Variants in POMT2 observed in about 807,000 individuals in gnomAD.
The protein encoded by POMT2 is protein O-mannosyltransferase 2, also known as protein O-mannosyl-transferase 2.
Under a neutral mutation model 100.0 loss-of-function variants are expected in POMT2, and 75 were observed. That is an observed-to-expected ratio of 0.75 (90% CI 0.62 to 0.91). The LOEUF is 0.91. Ranked by LOEUF, POMT2 falls within the 40% of genes least tolerant of loss-of-function variation. POMT2 has a pLI of 0.00. For synonymous variants in POMT2, 378 were observed against 374.1 expected (o/e 1.01, Z -0.12); for missense variants, 940 against 955.1 (o/e 0.98, Z 0.21).
At position 77,296,149 on chromosome 14, in the gene POMT2, A is replaced by G; in HGVS notation, c.1116+15T>C. ...CAGCATTGCTGCCGTACAAGTGCAC[A>G]AAAGGCTCACTGACCTGCTGCTGAC... is the stretch of plus-strand genomic sequence containing the variant. On this transcript the variant is annotated intron_variant, in intron 9 of 20. Coordinates refer to ENST00000261534, the MANE Select transcript of POMT2 (RefSeq NM_013382.7). 2.5e-6 allele frequency: 4 copies of G among 1,576,970 alleles called. No individual in the cohort carries two copies. Among genetic ancestry groups the G allele is most frequent in the Non-Finnish European group, 3.5e-6 (4 of 1,158,588 alleles).
intron 9 of POMT2, 116 bp downstream of exon 9, chr14:77,296,048 C>A (rs1258447522): frequency 4.6e-6 from 4 of 861,294 alleles, no homozygotes; most frequent in African/African-American, 1.7e-5. Flanking sequence ...GGGTGCAGGG[C>A]TAGGAAGAAT....
Position 77,301,247 on chromosome 14 carries a change from G to A in POMT2, c.659C>T (p.Pro220Leu), listed in dbSNP as rs1555354184. Residue 220 changes from proline (P) to leucine (L), a missense_variant and splice_region_variant, in exon 6 of 21, where the codon CCC becomes CTC. By Grantham distance (98) the Pro-to-Leu change is moderately conservative. Coordinates refer to ENST00000261534, the MANE Select transcript of POMT2 (RefSeq NM_013382.7). ...MVKYNSCADR[P>L]FSAPWWFWLS... ...CCAGAACCACCAGGGGGCAGAGAAG[G>A]GCCTGAAAATCAACAAGACGGAGTT... is the stretch of plus-strand genomic sequence containing the variant. 1 of 1,614,078 alleles carries A rather than the reference G, an allele frequency of 6.2e-7. No individual in the cohort carries two copies. Among genetic ancestry groups the A allele is most frequent in the Non-Finnish European group, 8.5e-7 (1 of 1,180,022 alleles).
intron 9 of POMT2, among the ~76,000 whole-genome samples, chr14:77,291,748 T>C (rs1219777933): frequency 6.6e-6 from 1 of 152,196 alleles, no homozygotes; most frequent in Non-Finnish European, 1.5e-5. Flanking sequence ...TCAAAGTAAT[T>C]AAGGCCGGGT....
chr14:77,279,889 G>C lies in POMT2; in HGVS notation c.1825C>G (p.Leu609Val). ...WLNLLSIALY[L>V]LSGSIIAVAM... ...ACAGCAATGATGCTCCCTGAGAGGA[G>C]GTAGAGGGCGATGCTCAACAGATTC... Residue 609 changes from leucine (L) to valine (V), a missense_variant, in exon 18 of 21, where the codon CTC (leucine) becomes GTC (valine). Leu to Val is a conservative substitution (Grantham distance 32, BLOSUM62 1). Transcript: ENST00000261534. 1.2e-6 allele frequency: 2 copies of C among 1,614,130 alleles called. No individual in the cohort carries two copies. The highest frequency in any genetic ancestry group is 1.7e-6 in the Non-Finnish European group (2 of 1,180,026).
chr14:77,291,896 G>T (rs1232939395), intron 9 of POMT2, among the ~76,000 whole-genome samples: 69 of 152,116 alleles, frequency 4.5e-4, no homozygotes, highest in Admixed American at 4.4e-3. Context: ...AGCCGGGCAT[G>T]GTACGCGCCT....
At chr14:77,289,387 T>A (rs1382009789) in intron 10 of POMT2, among the ~76,000 whole-genome samples, 1 of 126,268 alleles carries the variant, frequency 7.9e-6, no homozygotes, top group African/African-American at 3.0e-5. Flanking sequence ...CAAGACTCTG[T>A]CTCCAAAAAA....
At chr14:77,291,576 C>A (rs1890644032) in intron 9 of POMT2, 196 bp from the exon 10 acceptor site, 2 of 686,352 alleles carry the variant, frequency 2.9e-6, no homozygotes, top group South Asian at 3.8e-5. Context: ...TTCTCTCCTT[C>A]CTTCTGCATT....
Position 77,320,817 on chromosome 14 carries a change from C to A in POMT2, c.-136G>T. 5 of 1,381,034 alleles carry A rather than the reference C, an allele frequency of 3.6e-6. No individual in the cohort carries two copies. The highest frequency in any genetic ancestry group is 4.7e-6 in the Non-Finnish European group (5 of 1,074,680). 85.5% of individuals were successfully genotyped at this position (1,381,034 alleles called of 1,614,324 possible). The stretch of plus-strand genomic sequence containing the variant: ...CCCTTCACTGCAGCGGAGCGCGGGG[C>A]CCCGGGCTCGGGGCGGGGCGGGCAG... On this transcript the variant is annotated 5_prime_UTR_variant, in exon 1 of 21. Coordinates refer to ENST00000261534, the MANE Select transcript of POMT2 (RefSeq NM_013382.7).
chr14:77,285,258 G>A, intron 13 of POMT2: 1 of 716,232 alleles, frequency 1.4e-6, no homozygotes, highest in Non-Finnish European at 2.3e-6. Context: ...ATTAGCACCA[G>A]CCAGATGTGA....
chr14:77,284,230 G>A (rs1294229880), intron 14 of POMT2: 2 of 352,750 alleles, frequency 5.7e-6, no homozygotes, highest in Non-Finnish European at 1.1e-5. Flanking sequence ...TGAAGGGCCT[G>A]GGAATGAGGA....
chr14:77,313,786 C>A (rs1239973464), intron 1 of POMT2, among the ~76,000 whole-genome samples: 6 of 152,186 alleles, frequency 3.9e-5, no homozygotes, highest in Non-Finnish European at 8.8e-5. Context: ...TGGCTCACTG[C>A]ACTTTTCACC....
intron 1 of POMT2, among the ~76,000 whole-genome samples, chr14:77,313,022 C>A (rs181866727): frequency 6.6e-6 from 1 of 152,344 alleles, no homozygotes. Flanking sequence ...AAACACAATG[C>A]AAAGTCCTCT....
At chr14:77,311,041 G>A (rs1245840897) in intron 2 of POMT2, among the ~76,000 whole-genome samples, 1 of 152,248 alleles carries the variant, frequency 6.6e-6, no homozygotes, top group African/African-American at 2.4e-5. Context: ...GCTGAAGCAA[G>A]AGAATCACTT....
intron 2 of POMT2, among the ~76,000 whole-genome samples, chr14:77,310,669 C>G (rs1278659535): frequency 6.6e-6 from 1 of 152,096 alleles, no homozygotes; most frequent in Non-Finnish European, 1.5e-5. Flanking sequence ...TCCTGCCTTC[C>G]CTGCTCCTGC....
intron 15 of POMT2, among the ~76,000 whole-genome samples, chr14:77,281,755 C>A (rs1207802302): frequency 6.6e-6 from 1 of 152,200 alleles, no homozygotes; most frequent in Admixed American, 6.5e-5. Flanking sequence ...CTGGCCTCCA[C>A]TCACTGAATG....
intron 11 of POMT2, among the ~76,000 whole-genome samples, chr14:77,288,027 C>G (rs1167939355): frequency 6.6e-6 from 1 of 152,178 alleles, no homozygotes; most frequent in African/African-American, 2.4e-5. Flanking sequence ...TTACCCCAAG[C>G]CTTTGGGGGT....
intron 18 of POMT2, 42 bp downstream of exon 18, chr14:77,279,781 G>C: frequency 6.3e-7 from 1 of 1,584,126 alleles, no homozygotes; most frequent in Non-Finnish European, 8.6e-7. Context: ...CAGGTGCCCT[G>C]CTGCCGCCAG....
intron 8 of POMT2, among the ~76,000 whole-genome samples, chr14:77,296,935 C>T (rs56018212): frequency 6.6e-6 from 1 of 152,194 alleles, no homozygotes; most frequent in Non-Finnish European, 1.5e-5. Context: ...GTGGAGGAGG[C>T]CTGCCTGTGG....
In POMT2 at chr14:77,304,891, G is replaced by A. The variant is rs1555354627; in HGVS notation, c.439-91C>T. 69 of 1,535,066 alleles carry A rather than the reference G, an allele frequency of 4.5e-5. No individual in the cohort carries two copies. The South Asian group carries it at 7.8e-4, about 17-fold the overall frequency. ...GTACAACCTAACATTTAAGACAGGG[G>A]ACCTGATGAAGGCATGACTTTGGTG... On this transcript the variant is annotated intron_variant, in intron 3 of 20. Transcript: ENST00000261534.
Sources: allele counts gnomAD v4.1 joint callset (sites outside exome capture counted in the v4.1 genomes callset), GRCh38; gene constraint gnomAD v4.1.1; transcripts MANE v1.5; gene names NCBI Gene and HGNC (gene_info 2026-07-23, HGNC 2026-07-21).